FAM180A: variants seen among roughly 807,000 people sequenced by gnomAD.
FAM180A encodes protein FAM180A.
FAM180A carries 14 observed loss-of-function variants against 15.3 expected under a neutral mutation model. That is an observed-to-expected ratio of 0.92 (90% CI 0.61 to 1.43). The LOEUF (loss-of-function observed/expected upper bound fraction) is 1.43. Ranked by LOEUF, FAM180A falls within the 40% of genes most tolerant of loss-of-function variation. The probability of loss-of-function intolerance (pLI) is 0.00; values close to 1 mark genes in which losing one functional copy is unlikely to be tolerated. For missense variants in FAM180A, 200 were observed against 220.8 expected, an observed-to-expected ratio of 0.91 and a Z score of 0.60; for synonymous variants, 90 against 96.8, an observed-to-expected ratio of 0.93 and a Z score of 0.41.
At chr7:135,732,607 C>T (rs962136861) in intron 3 of FAM180A, among the ~76,000 whole-genome samples, 7 of 151,784 alleles carry the variant, frequency 4.6e-5, no homozygotes, top group Admixed American at 2.6e-4. Flanking sequence ...GCAGGAGAAT[C>T]GCTTGAACCC....
chr7:135,737,586 C>CAA (rs35378393), intron 1 of FAM180A, among the ~76,000 whole-genome samples: 37 of 82,322 alleles, frequency 4.5e-4, no homozygotes, highest in South Asian at 9.5e-4. Context: ...GACTCCATGT[C>CAA]AAAAAAAAAA....
intron 3 of FAM180A, among the ~76,000 whole-genome samples, chr7:135,731,054 C>T (rs1271174811): frequency 6.6e-6 from 1 of 151,952 alleles, no homozygotes. Context: ...TGGGAACCAT[C>T]TTCCCATTCA....
chr7:135,731,844 A>G (rs530723713), intron 3 of FAM180A, among the ~76,000 whole-genome samples: 1 of 152,280 alleles, frequency 6.6e-6, no homozygotes, highest in Non-Finnish European at 1.5e-5. Flanking sequence ...AAAGATTTTG[A>G]AGGAGTCCAG....
At chr7:135,747,859 G>A (rs1020221153) in intron 1 of FAM180A, among the ~76,000 whole-genome samples, 5 of 152,162 alleles carry the variant, frequency 3.3e-5, no homozygotes, top group African/African-American at 1.2e-4. Context: ...CCACTCCCAG[G>A]GAAATGGAGA....
At chr7:135,748,475 A>G in intron 1 of FAM180A, 30 bp downstream of exon 1, 1 of 1,587,642 alleles carries the variant, frequency 6.3e-7, no homozygotes, top group Non-Finnish European at 8.6e-7. Context: ...AATGAGCATC[A>G]AACAAACAAA....
chr7:135,738,671 G>T (rs1355383340), intron 1 of FAM180A, among the ~76,000 whole-genome samples: 1 of 152,140 alleles, frequency 6.6e-6, no homozygotes, highest in African/African-American at 2.4e-5. Flanking sequence ...AACATCAGAG[G>T]GTATAGGAAT....
intron 1 of FAM180A, among the ~76,000 whole-genome samples, chr7:135,742,846 A>G (rs955480565): frequency 3.3e-5 from 5 of 152,230 alleles, no homozygotes; most frequent in Non-Finnish European, 7.3e-5. Context: ...CATTTTATAG[A>G]TGAAGAAACT....
chr7:135,743,146 G>T (rs1796975867), intron 1 of FAM180A, among the ~76,000 whole-genome samples: 1 of 151,630 alleles, frequency 6.6e-6, no homozygotes, highest in Non-Finnish European at 1.5e-5. Context: ...ATAATAATGT[G>T]ATATGCAAGG....
chr7:135,742,566 A>G (rs1051222534), intron 1 of FAM180A, among the ~76,000 whole-genome samples: 2 of 152,234 alleles, frequency 1.3e-5, no homozygotes, highest in Non-Finnish European at 2.9e-5. Flanking sequence ...ATGAGCATCT[A>G]GGACACATGG....
chr7:135,744,685 G>A (rs923920520), intron 1 of FAM180A, among the ~76,000 whole-genome samples: 6 of 152,274 alleles, frequency 3.9e-5, no homozygotes, highest in Non-Finnish European at 7.4e-5. Context: ...TATGCAGAGC[G>A]GATGAATGAG....
intron 1 of FAM180A, among the ~76,000 whole-genome samples, chr7:135,745,333 A>T (rs536294363): frequency 1.9e-4 from 29 of 152,346 alleles, no homozygotes; most frequent in Non-Finnish European, 4.0e-4. Context: ...ACAAAAGCAT[A>T]GCTATTCATA....
chr7:135,733,796 A>C lies in FAM180A; in HGVS notation c.*179T>G, dbSNP rs1796827337. 3 of 1,395,004 alleles carry C rather than the reference A, an allele frequency of 2.2e-6. No individual in the cohort carries two copies. In the South Asian group the frequency reaches 5.3e-5, roughly 25 times the overall value. 86.4% of individuals were successfully genotyped at this position (1,395,004 alleles called of 1,614,324 possible). A position where few individuals can be genotyped will look rare whatever the true frequency, so the allele number is the denominator to read the frequency against. ...CCCAGGTCACATGATGGCATGAATC[A>C]GATGTGTCTTCCAGGAAACTACAAG... On this transcript the variant is annotated 3_prime_UTR_variant, in exon 3 of 4. Coordinates refer to ENST00000338588, the MANE Select transcript of FAM180A (RefSeq NM_205855.4).
intron 1 of FAM180A, among the ~76,000 whole-genome samples, chr7:135,748,099 A>G (rs543338238): frequency 6.6e-6 from 1 of 152,286 alleles, no homozygotes; most frequent in African/African-American, 2.4e-5. Context: ...TCCCCCAGGG[A>G]GCAGGCCTTT....
At chr7:135,743,324 C>T (rs1215614899) in intron 1 of FAM180A, among the ~76,000 whole-genome samples, 1 of 151,674 alleles carries the variant, frequency 6.6e-6, no homozygotes, top group Non-Finnish European at 1.5e-5. Context: ...TGTGCCTCAG[C>T]CTCCTGAGTA....
intron 1 of FAM180A, 42 bp from the exon 2 acceptor site, chr7:135,737,241 C>T (rs1053290540): frequency 7.0e-7 from 1 of 1,434,052 alleles, no homozygotes; most frequent in Non-Finnish European, 9.5e-7. Context: ...GCTGTGTGCG[C>T]CCAGACCTTC....
rs536686966 is a variant in FAM180A, at chr7:135,736,082, G to T, written c.177+1017C>A. On this transcript the variant is annotated intron_variant, in intron 2 of 3. Transcript: ENST00000338588. ...CTATTGTCCAGGCTGGAGTGCAGTG[G>T]CGTGATCTCGGCTCACTGCAACCTC... Among the ~76,000 whole-genome samples, 11 of 151,342 alleles carry T rather than the reference G, an allele frequency of 7.3e-5. 1 individual carries two copies. The South Asian group carries it at 2.3e-3, about 32-fold the overall frequency.
At chr7:135,737,451 G>T (rs113396830) in intron 1 of FAM180A, among the ~76,000 whole-genome samples, 1 of 152,022 alleles carries the variant, frequency 6.6e-6, no homozygotes, top group Non-Finnish European at 1.5e-5. Flanking sequence ...GCCGGGCATG[G>T]TGGCGGGTGC....
intron 1 of FAM180A, among the ~76,000 whole-genome samples, chr7:135,741,452 G>A (rs773061550): frequency 4.0e-5 from 6 of 151,566 alleles, no homozygotes; most frequent in Non-Finnish European, 7.4e-5. Flanking sequence ...GGAGGCGGAG[G>A]TTGCAGTGAG....
intron 1 of FAM180A, among the ~76,000 whole-genome samples, chr7:135,745,780 G>T (rs966554937): frequency 6.6e-6 from 1 of 151,972 alleles, no homozygotes; most frequent in Non-Finnish European, 1.5e-5. Flanking sequence ...TGGTGGGGCT[G>T]GGGGCCAAAG....
Sources: allele counts gnomAD v4.1 joint callset (sites outside exome capture counted in the v4.1 genomes callset), GRCh38; gene constraint gnomAD v4.1.1; transcripts MANE v1.5; gene names NCBI Gene and HGNC (gene_info 2026-07-23, HGNC 2026-07-21).